POLE: variants seen among roughly 807,000 people sequenced by gnomAD.
The protein encoded by POLE is DNA polymerase epsilon, catalytic subunit.
Under a neutral mutation model 279.2 loss-of-function variants are expected in POLE, and 188 were observed. The ratio of observed to expected loss-of-function variants is 0.67; its 90% CI spans 0.60 to 0.76. The LOEUF (loss-of-function observed/expected upper bound fraction) is 0.76, where lower values mean the gene tolerates loss of function less well. POLE is among the 30% of genes least tolerant of loss of function. POLE has a pLI of 0.00. For missense variants in POLE, 2,703 were observed against 3,016.7 expected (o/e 0.90, Z 2.44); for synonymous variants, 1,214 against 1,172.5 (o/e 1.04, Z -0.72).
At position 132,664,220 on chromosome 12, in the gene POLE, C is replaced by T; in HGVS notation, c.2562-72G>A. 6.6e-7 allele frequency: 1 copy of T among 1,520,842 alleles called. No individual in the cohort carries two copies. The highest frequency in any genetic ancestry group is 1.1e-5 in the South Asian group (1 of 87,366). 94.2% of individuals were successfully genotyped at this position (1,520,842 alleles called of 1,614,324 possible). A position where few individuals can be genotyped will look rare whatever the true frequency, so the allele number is the denominator to read the frequency against. On this transcript the variant is annotated intron_variant, in intron 22 of 48. Coordinates refer to ENST00000320574, the MANE Select transcript of POLE (RefSeq NM_006231.4). This position sits in a 1 kb window ranked among gnomAD's most constrained non-coding sequence, Gnocchi z 5.3. Reference sequence around the variant, plus strand: ...CACCCAGTGTGTGGCCTCCAGCCTTCCCTCCTTCCTTCCTGCCCAGTGTGT... The same window carrying T: ...CACCCAGTGTGTGGCCTCCAGCCTTTCCTCCTTCCTTCCTGCCCAGTGTGT...
chr12:132,676,600 A>G lies in POLE; in HGVS notation c.855T>C (p.Phe285=), dbSNP rs2136015904. The change falls in exon 9 of 49, where the codon TTT becomes TTC. Residue 285 remains phenylalanine, a synonymous_variant. Coordinates refer to ENST00000320574, the MANE Select transcript of POLE (RefSeq NM_006231.4). ...DIETTKLPLK[F]PDAETDQIMM... The stretch of plus-strand genomic sequence containing the variant: ...TAATCTGGTCTGTCTCAGCATCAGG[A>G]AACTTGAGGGGCAGTTTGGTCGTCT... 6.2e-7 allele frequency: 1 copy of G among 1,614,070 alleles called. No individual in the cohort carries two copies. Among genetic ancestry groups the G allele is most frequent in the Non-Finnish European group, 8.5e-7 (1 of 1,179,952 alleles).
rs149777592 is a variant in POLE at position 132,659,341 on chromosome 12, G to C, written c.3229C>G (p.Arg1077Gly). The change falls in exon 26 of 49, where the codon CGC becomes GGC. Residue 1077 changes from arginine to glycine, a missense_variant. By Grantham distance (125) the Arg-to-Gly change is moderately radical. This residue lies in a region of POLE where 1,551 missense variants were observed against 1,686.1 expected (regional missense o/e 0.92). Coordinates refer to ENST00000320574, the MANE Select transcript of POLE (RefSeq NM_006231.4). ...QMVKDAGLSC[R>G]YIISRKPEGS... ...TCGGGCTTGCGGGAGATGATGTAGC[G>C]GCAACTCAGCCCTGCATCCTTGACC... is the stretch of plus-strand genomic sequence containing the variant. The C allele has an allele frequency of 3.7e-6, 6 of 1,613,644 alleles. No homozygotes were observed. The East Asian group carries it at 1.1e-4, about 30-fold the overall frequency.
intron 15 of POLE, 52 bp from the exon 16 acceptor site, chr12:132,672,374 C>A (rs765156720): frequency 5.5e-6 from 8 of 1,449,628 alleles, no homozygotes; most frequent in African/African-American, 1.4e-5. Context: ...CCCACACTAG[C>A]CTGCCTCAGG....
rs1325038332 is a variant in POLE, at chr12:132,643,264, A to T, written c.4511T>A (p.Ile1504Asn). 6.2e-7 allele frequency: 1 copy of T among 1,613,750 alleles called. No individual in the cohort carries two copies. Among genetic ancestry groups the T allele is most frequent in the African/African-American group, 1.3e-5 (1 of 74,946 alleles). Residue 1504 changes from isoleucine to asparagine, a missense_variant, in exon 35 of 49, where the codon ATC becomes AAC. Around this residue, in one of 5 missense-constraint regions of POLE, gnomAD observed 1,551 missense variants for 1,686.1 expected, o/e 0.92. Transcript: ENST00000320574. ...QAHKALFGIFIPSQRRASVFV... is the reference protein window; with the variant it reads ...QAHKALFGIFNPSQRRASVFV... ...GACGGATGCCCTGCGCTGTGAGGGG[A>T]TGAAGATCCCGAAGAGCGCTTTGTG...
At position 132,657,151 on chromosome 12, in the gene POLE, C is replaced by A; in HGVS notation, c.3567G>T (p.Leu1189=). 6.2e-7 allele frequency: 1 copy of A among 1,614,016 alleles called. No individual in the cohort carries two copies. The highest frequency in any genetic ancestry group is 8.5e-7 in the Non-Finnish European group (1 of 1,180,004). Residue 1189 remains leucine (L), a synonymous_variant, in exon 29 of 49, where the codon CTG becomes CTT. Transcript: ENST00000320574. ...KQKKISELFT[L]EGRRQVTMAE... is the part of the protein sequence containing the mutation. The stretch of plus-strand genomic sequence containing the variant: ...CCACCGTCACCTGTCTCCTGCCCTC[C>A]AGGGTGAAGAGCTCACTGATCTTCT...
At chr12:132,658,424 A>G (rs2042597905) in intron 26 of POLE, 1 of 168,676 alleles carries the variant, frequency 5.9e-6, no homozygotes, top group South Asian at 1.4e-4. Context: ...GCGCATGCGT[A>G]TAGGCAAAGA....
At chr12:132,681,335 CTTTT>C (rs918405190) in intron 1 of POLE, 56 bp from the exon 2 acceptor site, 5 of 1,552,250 alleles carry the variant, frequency 3.2e-6, no homozygotes, top group Middle Eastern at 1.8e-4. Flanking sequence ...GCTGCTGCTT[CTTTT>C]TTTCTTTTTT....
intron 45 of POLE, among the ~76,000 whole-genome samples, chr12:132,630,322 G>A (rs994458244): frequency 6.6e-6 from 1 of 152,182 alleles, no homozygotes; most frequent in African/African-American, 2.4e-5. Flanking sequence ...GGATATGCCT[G>A]CAATCAGATA....
Position 132,667,538 on chromosome 12 carries a change from G to A in POLE, c.2284C>T (p.Arg762Trp), listed in dbSNP as rs1064794759. The A allele has an allele frequency of 4.3e-6, 7 of 1,613,882 alleles. No homozygotes were observed. The highest frequency in any genetic ancestry group is 1.1e-5 in the South Asian group (1 of 91,070). Residue 762 changes from arginine to tryptophan, a missense_variant, in exon 20 of 49, where the codon CGG becomes TGG. Around this residue, in one of 5 missense-constraint regions of POLE, gnomAD observed 1,011 missense variants for 1,111.7 expected, o/e 0.91. Coordinates refer to ENST00000320574, the MANE Select transcript of POLE (RefSeq NM_006231.4). ...SFYVDTVRAF[R>W]DRRYEFKGLH... ...CCTTTGAACTCGTAACGCCTGTCCC[G>A]GAAGGCACGCACGGTGTCCACGTAG...
chr12:132,681,047 T>G (rs909809889), intron 2 of POLE, 91 bp downstream of exon 2: 2 of 1,459,326 alleles, frequency 1.4e-6, no homozygotes, highest in African/African-American at 2.8e-5. Context: ...CAAAGTTCCC[T>G]CATGTGTCCC....
intron 23 of POLE, among the ~76,000 whole-genome samples, chr12:132,663,369 G>C (rs2042721080): frequency 6.6e-6 from 1 of 152,252 alleles, no homozygotes; most frequent in Non-Finnish European, 1.5e-5. Flanking sequence ...CCAACACGAT[G>C]CGTGTGAGAA....
intron 39 of POLE, chr12:132,640,971 C>T (rs1340089270): frequency 8.8e-6 from 4 of 456,694 alleles, no homozygotes; most frequent in Non-Finnish European, 1.8e-5. Flanking sequence ...AAAACTACAG[C>T]TGAGTACAGG....
chr12:132,648,100 G>A (rs1424278830), intron 32 of POLE, among the ~76,000 whole-genome samples: 1 of 152,162 alleles, frequency 6.6e-6, no homozygotes, highest in Non-Finnish European at 1.5e-5. Context: ...GAGTTCGGGT[G>A]GAGATGCCAT....
chr12:132,637,970 T>A (rs767854118), intron 41 of POLE, 44 bp downstream of exon 41: 28 of 1,603,468 alleles, frequency 1.7e-5, no homozygotes, highest in Non-Finnish European at 2.3e-5. Flanking sequence ...TTAGCATCCC[T>A]CTCAAAGCCA....
At chr12:132,669,950 G>C (rs993897747) in intron 16 of POLE, among the ~76,000 whole-genome samples, 5 of 152,100 alleles carry the variant, frequency 3.3e-5, no homozygotes. Flanking sequence ...TCACTCACCA[G>C]GGAGCCTGGC....
At chr12:132,631,914 TCTCCCTTCTCGGGTCGGCTGGCAGC>T (rs1007274763) in intron 45 of POLE, among the ~76,000 whole-genome samples, 10 of 152,048 alleles carry the variant, frequency 6.6e-5, no homozygotes, top group Non-Finnish European at 1.5e-4. Flanking sequence ...TGAACGGCCC[TCTCCCTTCTCGGGTCGGCTGGCAGC>T]AGACAGGCCC....
At chr12:132,648,494 T>C (rs2042338618) in intron 32 of POLE, 1 of 151,862 alleles carries the variant, frequency 6.6e-6, no homozygotes, top group Admixed American at 6.6e-5. Flanking sequence ...GAAATCAAAG[T>C]AAAATTAAAA....
At chr12:132,658,930 G>A (rs1041684478) in intron 26 of POLE, among the ~76,000 whole-genome samples, 3 of 116,158 alleles carry the variant, frequency 2.6e-5, no homozygotes, top group Admixed American at 9.3e-5. Flanking sequence ...ATGTTTTTAA[G>A]TTTTACATAC....
chr12:132,639,691 C>A lies in POLE; in HGVS notation c.5379-393G>T, dbSNP rs531120151. On this transcript the variant is annotated intron_variant, in intron 39 of 48. Coordinates refer to ENST00000320574, the MANE Select transcript of POLE (RefSeq NM_006231.4). The surrounding 1 kb of genome is among the most constrained non-coding windows in gnomAD (Gnocchi z 4.7). ...ACTAGGCCGGATGCAGAGGCTCACG[C>A]CTGTAATCCCACCACTTTGGGAGGC... Among the ~76,000 whole-genome samples the A allele has an allele frequency of 1.9e-4, 29 of 152,312 alleles. No individual in the cohort carries two copies. Among genetic ancestry groups the A allele is most frequent in the African/African-American group, 6.5e-4 (27 of 41,562 alleles).
Sources: allele counts gnomAD v4.1 joint callset (sites outside exome capture counted in the v4.1 genomes callset), GRCh38; gene constraint gnomAD v4.1.1; regional missense constraint gnomAD v4.1.1; non-coding constraint Gnocchi (gnomAD v3.1); transcripts MANE v1.5; gene names NCBI Gene and HGNC (gene_info 2026-07-23, HGNC 2026-07-21).